The following ARHGEF3 variants were observed in gnomAD, a reference collection of about 807,000 sequenced individuals.
The protein encoded by ARHGEF3 is 59.8 kDA protein.
Under a neutral mutation model 63.2 loss-of-function variants are expected in ARHGEF3, and 28 were observed. The ratio of observed to expected loss-of-function variants is 0.44; its 90% CI spans 0.33 to 0.61. The LOEUF (loss-of-function observed/expected upper bound fraction) is 0.61. Ranked by LOEUF, ARHGEF3 falls within the 20% of genes least tolerant of loss-of-function variation. The pLI, the probability that ARHGEF3 is intolerant of heterozygous loss-of-function variation, is 0.03. For synonymous variants in ARHGEF3, 266 were observed against 254.2 expected (o/e 1.05, Z -0.44); for missense variants, 533 against 659.3 (o/e 0.81, Z 2.10).
At chr3:57,000,552 G>A (rs1285775997) in intron 2 of ARHGEF3, among the ~76,000 whole-genome samples, 1 of 152,018 alleles carries the variant, frequency 6.6e-6, no homozygotes, top group African/African-American at 2.4e-5. Context: ...GCATGTGTGT[G>A]AGACGGAGTC....
chr3:56,951,923 G>A (rs1333851763), intron 3 of ARHGEF3, among the ~76,000 whole-genome samples: 3 of 151,980 alleles, frequency 2.0e-5, no homozygotes, highest in Non-Finnish European at 2.9e-5. Flanking sequence ...CTTACCTGTT[G>A]TGTGACTCTA....
intron 4 of ARHGEF3, among the ~76,000 whole-genome samples, chr3:56,848,736 G>A (rs2039572997): frequency 6.6e-6 from 1 of 151,844 alleles, no homozygotes; most frequent in East Asian, 1.9e-4. Flanking sequence ...GTGTGATCTC[G>A]GCTCACTGCA....
chr3:57,051,880 C>T (rs1028107328), intron 1 of ARHGEF3, among the ~76,000 whole-genome samples: 21 of 152,078 alleles, frequency 1.4e-4, no homozygotes, highest in Admixed American at 9.8e-4. Context: ...AGGAGAATCG[C>T]TTGAACTGGG....
chr3:56,838,174 A>G (rs1261293707), intron 4 of ARHGEF3, among the ~76,000 whole-genome samples: 1 of 152,228 alleles, frequency 6.6e-6, no homozygotes, highest in African/African-American at 2.4e-5. Context: ...CAACTTACCT[A>G]TATTTCCCAA....
Position 56,728,289 on chromosome 3 carries a change from C to T in ARHGEF3, c.*981G>A, listed in dbSNP as rs547405327. On this transcript the variant is annotated 3_prime_UTR_variant, in exon 10 of 10. Coordinates refer to ENST00000296315, the MANE Select transcript of ARHGEF3 (RefSeq NM_019555.3). Reference sequence around the variant, plus strand: ...TCAGAAGGCACTGGACCATGCTTTTCTCTCAATGGCTCCCACAGAAGGTTC... The same window carrying T: ...TCAGAAGGCACTGGACCATGCTTTTTTCTCAATGGCTCCCACAGAAGGTTC... 2.6e-5 allele frequency: 4 copies of T among 152,790 alleles called. No homozygotes were observed. Among genetic ancestry groups the T allele is most frequent in the Admixed American group, 6.5e-5 (1 of 15,308 alleles). The allele number at this position is 152,790 out of a possible 1,614,324, so 9.5% of individuals were successfully genotyped here.
In ARHGEF3 at chr3:56,755,072, C is replaced by T. The variant is rs1372088119; in HGVS notation, c.284G>A (p.Ser95Asn). 1.2e-6 allele frequency: 2 copies of T among 1,613,982 alleles called. No homozygotes were observed. Among genetic ancestry groups the T allele is most frequent in the African/African-American group, 2.7e-5 (2 of 74,904 alleles). Residue 95 changes from serine (S) to asparagine (N), a missense_variant, in exon 3 of 10, where the codon AGC (serine) becomes AAC (asparagine). This residue lies in a region of ARHGEF3 where 160 missense variants were observed against 157.3 expected (regional missense o/e 1.02). Coordinates refer to ENST00000296315, the MANE Select transcript of ARHGEF3 (RefSeq NM_019555.3). The part of the protein sequence containing the change: ...RPWSRNAAPS[S>N]TKRRDSKLWS... The stretch of plus-strand genomic sequence containing the variant: ...CAGCTTGCTATCTCTCCGTTTCGTG[C>T]TCGAGGGGGCGGCATTTCTGGACCA...
chr3:57,015,370 C>A (rs867019094), intron 2 of ARHGEF3, among the ~76,000 whole-genome samples: 3 of 152,156 alleles, frequency 2.0e-5, no homozygotes, highest in Non-Finnish European at 4.4e-5. Flanking sequence ...AGCTTAGGGG[C>A]CCCTCACTTC....
intron 1 of ARHGEF3, among the ~76,000 whole-genome samples, chr3:56,785,516 C>T (rs1371143221): frequency 6.6e-6 from 1 of 152,140 alleles, no homozygotes; most frequent in Non-Finnish European, 1.5e-5. Flanking sequence ...GTCATTCAAC[C>T]CATGTCGGAT....
chr3:56,893,020 TA>T (rs2041176070), intron 3 of ARHGEF3, among the ~76,000 whole-genome samples: 1 of 152,248 alleles, frequency 6.6e-6, no homozygotes. Flanking sequence ...AGCTGTCCTC[TA>T]AAGGACATTC....
At position 56,958,409 on chromosome 3, in the gene ARHGEF3, A is replaced by C. The variant is rs562933894; in HGVS notation, c.129+414T>G. Among the ~76,000 whole-genome samples the C allele has an allele frequency of 8.6e-5, 13 of 150,352 alleles. No homozygotes were observed. In the South Asian group the frequency reaches 2.4e-3, roughly 27 times the overall value. On this transcript the variant is annotated intron_variant, in intron 3 of 12. Coordinates refer to the ARHGEF3 transcript ENST00000338458. ...AGTGGCATGATCTCAGCTCACCACA[A>C]CCTCCGTCTCCTGGGCTCAAGTGAT...
chr3:56,890,234 T>C (rs2041075802), intron 3 of ARHGEF3, among the ~76,000 whole-genome samples: 1 of 152,196 alleles, frequency 6.6e-6, no homozygotes, highest in Non-Finnish European at 1.5e-5. Context: ...TTGGGCAAAT[T>C]ACTTCTCTAT....
At chr3:56,982,258 A>C (rs1433938900) in intron 2 of ARHGEF3, among the ~76,000 whole-genome samples, 5 of 152,156 alleles carry the variant, frequency 3.3e-5, no homozygotes, top group South Asian at 2.1e-4. Flanking sequence ...TCTCTTTAAA[A>C]AAAAAAAAAA....
At chr3:56,999,917 G>A (rs1196266426) in intron 2 of ARHGEF3, among the ~76,000 whole-genome samples, 2 of 152,186 alleles carry the variant, frequency 1.3e-5, no homozygotes, top group Admixed American at 6.5e-5. Context: ...ACTATGTAGG[G>A]AATGCTTAAA....
intron 3 of ARHGEF3, among the ~76,000 whole-genome samples, chr3:56,946,787 A>G (rs1248888819): frequency 6.6e-6 from 1 of 152,180 alleles, no homozygotes; most frequent in African/African-American, 2.4e-5. Flanking sequence ...TGTCACAAAG[A>G]TACTCCTCGA....
At chr3:56,945,016 A>G (rs1699405663) in intron 3 of ARHGEF3, among the ~76,000 whole-genome samples, 1 of 152,206 alleles carries the variant, frequency 6.6e-6, no homozygotes, top group African/African-American at 2.4e-5. Flanking sequence ...AATGACTGCA[A>G]TTTTGGAAGT....
chr3:56,941,790 A>AT (rs373705983), intron 3 of ARHGEF3, among the ~76,000 whole-genome samples: 1 of 152,042 alleles, frequency 6.6e-6, no homozygotes, highest in Non-Finnish European at 1.5e-5. Context: ...ATATTAATAT[A>AT]TTTTTTCCCC....
At chr3:56,969,006 G>A (rs1238874292) in intron 2 of ARHGEF3, among the ~76,000 whole-genome samples, 5 of 152,184 alleles carry the variant, frequency 3.3e-5, no homozygotes, top group African/African-American at 7.2e-5. Context: ...TGCTAAAAAC[G>A]ACGCATTCTC....
upstream of ARHGEF3, chr3:56,802,085 C>T (rs2037688906): frequency 1.8e-6 from 2 of 1,118,042 alleles, no homozygotes; most frequent in African/African-American, 1.7e-5. Flanking sequence ...CCTGGGGCTG[C>T]GAGGGGCGTG....
intron 1 of ARHGEF3, chr3:57,073,576 G>A: frequency 6.9e-7 from 1 of 1,445,790 alleles, no homozygotes; most frequent in African/African-American, 1.4e-5. Context: ...GGCTGAAGGT[G>A]AATTGGAACA....
Sources: gnomAD v4.1 joint callset for allele counts (sites outside exome capture counted in the v4.1 genomes callset) on GRCh38, gnomAD v4.1.1 for gene constraint, gnomAD v4.1.1 regional missense constraint, MANE v1.5 for transcripts, NCBI Gene and HGNC (gene_info 2026-07-23, HGNC 2026-07-21) for gene names.